Variants in SORCS3 observed in about 807,000 individuals in gnomAD.
The protein encoded by SORCS3 is sortilin related VPS10 domain containing receptor 3.
SORCS3 carries 57 observed loss-of-function variants against 146.3 expected under a neutral mutation model. That is an observed-to-expected ratio of 0.39 (90% CI 0.31 to 0.49). The LOEUF is 0.49. Ranked by LOEUF, SORCS3 falls within the 20% of genes least tolerant of loss-of-function variation. The probability of loss-of-function intolerance (pLI) is 0.92; values close to 1 mark genes in which losing one functional copy is unlikely to be tolerated. For missense variants in SORCS3, 1,341 were observed against 1,575.5 expected, an observed-to-expected ratio of 0.85 and a Z score of 2.52; for synonymous variants, 653 against 618.5, an observed-to-expected ratio of 1.06 and a Z score of -0.83.
At chr10:104,953,688 C>T (rs2019457696) in intron 3 of SORCS3, among the ~76,000 whole-genome samples, 1 of 152,178 alleles carries the variant, frequency 6.6e-6, no homozygotes. Flanking sequence ...CTTAGACTTC[C>T]CTTTCTGCTC....
Position 105,256,929 on chromosome 10 carries a change from G to A in SORCS3, c.3443+5G>A, listed in dbSNP as rs1362002576. Reference sequence around the variant, plus strand: ...TTTGATCTACAAGTTTAAAAGGTATGTCCTATTATCACTCAATTTAGTAGT... The same window carrying A: ...TTTGATCTACAAGTTTAAAAGGTATATCCTATTATCACTCAATTTAGTAGT... On this transcript the variant is annotated splice_donor_5th_base_variant and intron_variant, in intron 25 of 26. Transcript: ENST00000369701. 1 of 1,600,298 alleles carries A rather than the reference G, an allele frequency of 6.2e-7. No homozygotes were observed. The highest frequency in any genetic ancestry group is 2.2e-5 in the East Asian group (1 of 44,838).
intron 2 of SORCS3, among the ~76,000 whole-genome samples, chr10:104,892,436 A>C (rs1050398013): frequency 6.6e-6 from 1 of 152,216 alleles, no homozygotes; most frequent in Non-Finnish European, 1.5e-5. Context: ...GTTAAATAGT[A>C]TCTGGCCGGG....
intron 1 of SORCS3, among the ~76,000 whole-genome samples, chr10:104,738,230 G>A (rs964394024): frequency 1.4e-4 from 21 of 152,192 alleles, no homozygotes; most frequent in Non-Finnish European, 2.4e-4. Flanking sequence ...GCTTAGGATT[G>A]ACTTGGTGAT....
chr10:105,052,206 G>A (rs2055417882), intron 5 of SORCS3, among the ~76,000 whole-genome samples: 1 of 152,062 alleles, frequency 6.6e-6, no homozygotes, highest in South Asian at 2.1e-4. Context: ...GTCCTGCCTT[G>A]GGAGATCTGA....
intron 4 of SORCS3, among the ~76,000 whole-genome samples, chr10:105,033,543 C>G (rs1049457188): frequency 6.6e-6 from 1 of 152,174 alleles, no homozygotes; most frequent in African/African-American, 2.4e-5. Context: ...GATGGGATTC[C>G]TCTCATCTAG....
rs371727400 is a variant in SORCS3 at position 104,804,897 on chromosome 10, T to C, written c.628-37895T>C. Among the ~76,000 whole-genome samples, 19 of 152,324 alleles carry C rather than the reference T, an allele frequency of 1.2e-4. No individual in the cohort carries two copies. The East Asian group carries it at 2.5e-3, about 20-fold the overall frequency. ...GCCTTAGGAAAGGGTGGACTCTAGC[T>C]AGATACTCTGAGGTTTCATTCATTC... On this transcript the variant is annotated intron_variant, in intron 1 of 26. Transcript: ENST00000369701.
chr10:104,786,764 C>G (rs1486595818), intron 1 of SORCS3, among the ~76,000 whole-genome samples: 3 of 152,086 alleles, frequency 2.0e-5, no homozygotes, highest in African/African-American at 7.2e-5. Flanking sequence ...GACCCACCTC[C>G]TGGAATTGAA....
At chr10:104,911,403 T>G (rs2018965973) in intron 2 of SORCS3, among the ~76,000 whole-genome samples, 1 of 152,194 alleles carries the variant, frequency 6.6e-6, no homozygotes, top group South Asian at 2.1e-4. Context: ...AGCAGCCACT[T>G]TTGGAAAATA....
At chr10:104,658,612 C>G (rs980569509) in intron 1 of SORCS3, among the ~76,000 whole-genome samples, 1 of 152,192 alleles carries the variant, frequency 6.6e-6, no homozygotes, top group African/African-American at 2.4e-5. Context: ...ACCTTGGCCT[C>G]CCAAAGTGGT....
intron 3 of SORCS3, among the ~76,000 whole-genome samples, chr10:104,973,680 C>T (rs1265442361): frequency 3.3e-5 from 5 of 151,070 alleles, no homozygotes; most frequent in East Asian, 1.9e-4. Flanking sequence ...AAGGGTTTTT[C>T]CTGTCTCTGT....
intron 2 of SORCS3, among the ~76,000 whole-genome samples, chr10:104,890,612 A>G (rs1476670734): frequency 6.6e-6 from 1 of 152,138 alleles, no homozygotes; most frequent in Non-Finnish European, 1.5e-5. Context: ...TTGTGGAATA[A>G]AGTTAAAATA....
intron 5 of SORCS3, among the ~76,000 whole-genome samples, chr10:105,044,960 C>A (rs1310448237): frequency 6.7e-6 from 1 of 149,224 alleles, no homozygotes; most frequent in East Asian, 1.9e-4. Flanking sequence ...AGAACTACAG[C>A]CTTTACTGAG....
At chr10:104,859,463 C>T (rs2018375261) in intron 2 of SORCS3, among the ~76,000 whole-genome samples, 1 of 152,118 alleles carries the variant, frequency 6.6e-6, no homozygotes, top group Admixed American at 6.6e-5. Flanking sequence ...GCCATAAAAA[C>T]CCTAGAAGAA....
intron 4 of SORCS3, among the ~76,000 whole-genome samples, chr10:105,036,001 T>G (rs996010366): frequency 6.6e-6 from 1 of 152,142 alleles, no homozygotes; most frequent in African/African-American, 2.4e-5. Context: ...CCCTTCTACT[T>G]GAATCCTTTA....
At chr10:104,738,996 G>A (rs533396290) in intron 1 of SORCS3, among the ~76,000 whole-genome samples, 1 of 152,258 alleles carries the variant, frequency 6.6e-6, no homozygotes, top group East Asian at 1.9e-4. Context: ...TTTCTCTGGT[G>A]GTCTCTTTGA....
intron 2 of SORCS3, among the ~76,000 whole-genome samples, chr10:104,861,928 C>A (rs139052469): frequency 9.8e-4 from 149 of 152,310 alleles, no homozygotes; most frequent in African/African-American, 3.4e-3. Flanking sequence ...AGAATCATCA[C>A]CTTACCTCTG....
At chr10:105,022,919 T>A (rs916869188) in intron 4 of SORCS3, among the ~76,000 whole-genome samples, 1 of 151,988 alleles carries the variant, frequency 6.6e-6, no homozygotes, top group Admixed American at 6.5e-5. Flanking sequence ...TGTGATATAA[T>A]AAAAAGGACT....
At chr10:104,686,472 G>A (rs747867798) in intron 1 of SORCS3, among the ~76,000 whole-genome samples, 7 of 152,102 alleles carry the variant, frequency 4.6e-5, no homozygotes, top group Non-Finnish European at 7.3e-5. Flanking sequence ...ACCAATCGTC[G>A]TGAGCTCTGG....
rs12769096 is a variant in SORCS3 at position 105,163,883 on chromosome 10, T to C, written c.1733-420T>C. Among the ~76,000 whole-genome samples the C allele has an allele frequency of 7.9e-3, 1,095 of 138,708 alleles. 15 individuals are homozygous for C. The highest frequency in any genetic ancestry group is 0.025 in the African/African-American group (995 of 39,510). The allele number at this position is 138,708 out of a possible 152,430, so 91.0% of individuals were successfully genotyped here. ...ACACACAGACACACAGTTACGCACATACACACACACACACACACACACACA... is the reference window on the plus strand; with the variant it reads ...ACACACAGACACACAGTTACGCACACACACACACACACACACACACACACA... On this transcript the variant is annotated intron_variant, in intron 11 of 26. Transcript: ENST00000369701.
Sources: allele counts gnomAD v4.1 joint callset (sites outside exome capture counted in the v4.1 genomes callset), GRCh38; gene constraint gnomAD v4.1.1; transcripts MANE v1.5; gene names NCBI Gene and HGNC (gene_info 2026-07-23, HGNC 2026-07-21).